Variants in ERI1 observed in about 807,000 individuals in gnomAD.
ERI1 encodes exoribonuclease 1, also known as 3'-5' exoribonuclease 1.
In ERI1, 39 loss-of-function variants were observed where a neutral mutation model predicts 39.7. The ratio of observed to expected loss-of-function variants is 0.98; its 90% CI spans 0.76 to 1.28. The LOEUF (loss-of-function observed/expected upper bound fraction) is 1.28, where lower values mean the gene tolerates loss of function less well. Ranked by LOEUF, ERI1 falls within the 50% of genes most tolerant of loss-of-function variation. ERI1 has a pLI of 0.00. For synonymous variants in ERI1, 204 were observed against 149.6 expected (o/e 1.36, Z -2.65); for missense variants, 581 against 416.9 (o/e 1.39, Z -3.43).
intron 3 of ERI1, 65 bp from the exon 4 acceptor site, chr8:9,016,257 G>A (rs1028601674): frequency 2.7e-5 from 25 of 928,486 alleles, no homozygotes; most frequent in Middle Eastern, 2.2e-4. Flanking sequence ...TGAATTCGTC[G>A]TGTATCATGT....
intron 3 of ERI1, among the ~76,000 whole-genome samples, chr8:9,071,889 G>C (rs965957148): frequency 6.6e-6 from 1 of 152,178 alleles, no homozygotes. Context: ...AACATAGTGA[G>C]ACCTCGTCTC....
At chr8:9,015,617 G>C (rs550275930) in intron 3 of ERI1, among the ~76,000 whole-genome samples, 308 of 151,320 alleles carry the variant, frequency 2.0e-3, no homozygotes, top group African/African-American at 7.3e-3. Context: ...AGCTAGTTGG[G>C]AGGCTGAGGC....
intron 3 of ERI1, among the ~76,000 whole-genome samples, chr8:9,041,673 C>T (rs1237923566): frequency 6.6e-6 from 1 of 152,192 alleles, no homozygotes; most frequent in Non-Finnish European, 1.5e-5. Flanking sequence ...ACCTATGAGA[C>T]CTAGCAAAAA....
chr8:9,075,918 G>T (rs929197502), intron 3 of ERI1, among the ~76,000 whole-genome samples: 3 of 152,032 alleles, frequency 2.0e-5, no homozygotes, highest in African/African-American at 7.3e-5. Context: ...GATTACAGGG[G>T]TAAGTCACTG....
At chr8:9,025,702 T>G (rs2409121) in intron 6 of ERI1, among the ~76,000 whole-genome samples, 42,155 of 147,584 alleles carry the variant, frequency 0.29, 6,213 homozygotes, top group African/African-American at 0.37. Flanking sequence ...TCTTTTTTTT[T>G]TGTGTGTGTG....
In ERI1 at chr8:9,030,786, T is replaced by G. The variant is rs1313814575; in HGVS notation, c.*752T>G. 2 of 152,194 alleles carry G rather than the reference T, an allele frequency of 1.3e-5. No individual in the cohort carries two copies. Among genetic ancestry groups the G allele is most frequent in the African/African-American group, 4.8e-5 (2 of 41,458 alleles). 9.4% of individuals were successfully genotyped at this position (152,194 alleles called of 1,614,324 possible). On this transcript the variant is annotated 3_prime_UTR_variant, in exon 7 of 7. Transcript: ENST00000250263. ...CTTCCTTTTTTGACATATGTATGCC[T>G]TAATTCTTAAATCTGAGGGACCATG...
chr8:9,080,952 G>A (rs7018100), intron 3 of ERI1, among the ~76,000 whole-genome samples: 80,054 of 152,084 alleles, frequency 0.53, 22,656 homozygotes, highest in African/African-American at 0.69. Context: ...ACTGCTATAA[G>A]GATACTACTT....
intron 3 of ERI1, among the ~76,000 whole-genome samples, chr8:9,085,118 C>T (rs939067606): frequency 5.9e-5 from 9 of 152,156 alleles, no homozygotes; most frequent in African/African-American, 2.2e-4. Context: ...GTAACAAACC[C>T]TAGGTGATTT....
chr8:9,004,153 T>C lies in ERI1; in HGVS notation c.108+982T>C, dbSNP rs1048704137. ...CTCTGTATGTTCCTTTTGCCCTGTGTGCACTTCCTTTGGATCCTTGCAATT... is the reference window on the plus strand; with the variant it reads ...CTCTGTATGTTCCTTTTGCCCTGTGCGCACTTCCTTTGGATCCTTGCAATT... On this transcript the variant is annotated intron_variant, in intron 1 of 6. Transcript: ENST00000250263. 7.8e-6 allele frequency: 10 copies of C among 1,289,196 alleles called. No homozygotes were observed. In the African/African-American group the frequency reaches 1.5e-4, roughly 20 times the overall value. 79.9% of individuals were successfully genotyped at this position (1,289,196 alleles called of 1,614,324 possible).
chr8:9,029,119 T>G (rs1346262074), intron 6 of ERI1, among the ~76,000 whole-genome samples: 3 of 152,096 alleles, frequency 2.0e-5, no homozygotes, highest in Non-Finnish European at 4.4e-5. Context: ...AAGAAATCAG[T>G]CAAGTAAAGT....
chr8:9,061,550 T>C (rs576102837), intron 3 of ERI1, among the ~76,000 whole-genome samples: 1 of 152,354 alleles, frequency 6.6e-6, no homozygotes, highest in East Asian at 1.9e-4. Flanking sequence ...AGGGCTAGGC[T>C]AAAACAGTAA....
intron 4 of ERI1, among the ~76,000 whole-genome samples, chr8:9,017,667 A>G (rs1327194336): frequency 6.6e-6 from 1 of 152,202 alleles, no homozygotes; most frequent in Non-Finnish European, 1.5e-5. Flanking sequence ...GTAGGCAGAA[A>G]AGAATGGCTG....
At chr8:9,067,381 CATGTGTGTGT>C (rs1264936054) in intron 3 of ERI1, among the ~76,000 whole-genome samples, 2 of 69,000 alleles carry the variant, frequency 2.9e-5, no homozygotes, top group South Asian at 6.6e-4. Flanking sequence ...AACCTGTGTG[CATGTGTGTGT>C]GTGTGTGTGT....
intron 3 of ERI1, among the ~76,000 whole-genome samples, chr8:9,063,912 G>C (rs914440959): frequency 1.3e-5 from 2 of 152,050 alleles, no homozygotes; most frequent in Non-Finnish European, 2.9e-5. Flanking sequence ...GGAGAAGAAG[G>C]GGGAATGGAG....
At chr8:9,034,144 T>G (rs59464568), downstream of ERI1, among the ~76,000 whole-genome samples, 230 of 152,360 alleles carry the variant, frequency 1.5e-3, no homozygotes, top group African/African-American at 4.9e-3. Context: ...TTGGAAGTAC[T>G]TGTTTTTCTG....
intron 3 of ERI1, among the ~76,000 whole-genome samples, chr8:9,049,336 CAAAAAAAAAAA>C (rs3989371): frequency 2.8e-3 from 93 of 33,240 alleles, no homozygotes; most frequent in African/African-American, 9.2e-3. Flanking sequence ...ACTCCGTCTC[CAAAAAAAAAAA>C]AAAAAAAAAA....
At chr8:9,068,908 C>G (rs1257696333) in intron 3 of ERI1, among the ~76,000 whole-genome samples, 1 of 152,056 alleles carries the variant, frequency 6.6e-6, no homozygotes, top group Non-Finnish European at 1.5e-5. Context: ...CGTTGACTCC[C>G]TAGGCTCAAG....
intron 3 of ERI1, among the ~76,000 whole-genome samples, chr8:9,038,900 A>G (rs961904886): frequency 9.9e-5 from 15 of 152,248 alleles, no homozygotes; most frequent in East Asian, 1.9e-4. Flanking sequence ...CATCAATTCT[A>G]TAGCTTTACC....
chr8:9,061,627 C>T lies in ERI1; in HGVS notation n.299+41163C>T, dbSNP rs148746927. 3.0e-3 allele frequency among the ~76,000 whole-genome samples: 463 copies of T among 152,294 alleles called. 1 individual carries two copies. The highest frequency in any genetic ancestry group is 5.5e-3 in the Non-Finnish European group (372 of 68,032). On this transcript the variant is annotated intron_variant and non_coding_transcript_variant, in intron 3 of 3. Transcript: ENST00000518663. ...AGCTCTTTTGTAAGAATTCTGACCG[C>T]ACTAACCATGCCTGGGAAGGAAAGG...
Sources: gnomAD v4.1 joint callset for allele counts (sites outside exome capture counted in the v4.1 genomes callset) on GRCh38, gnomAD v4.1.1 for gene constraint, MANE v1.5 for transcripts, NCBI Gene and HGNC (gene_info 2026-07-23, HGNC 2026-07-21) for gene names.